The following CHRM2 variants were observed in gnomAD, a reference collection of about 807,000 sequenced individuals.
CHRM2 encodes the protein cholinergic receptor muscarinic 2, also known as muscarinic acetylcholine receptor M2.
A neutral mutation model predicts 25.0 loss-of-function variants in CHRM2; 8 were observed. The observed-to-expected ratio is 0.32, with a 90% CI of 0.19 to 0.58. The LOEUF is 0.58. Ranked by LOEUF, CHRM2 falls within the 20% of genes least tolerant of loss-of-function variation. The pLI is 0.88. For synonymous variants in CHRM2, 202 were observed against 205.7 expected, an observed-to-expected ratio of 0.98 and a Z score of 0.15; for missense variants, 440 against 567.1, an observed-to-expected ratio of 0.78 and a Z score of 2.28.
chr7:136,972,354 T>G (rs1051640879), intron 2 of CHRM2, among the ~76,000 whole-genome samples: 1 of 152,192 alleles, frequency 6.6e-6, no homozygotes, highest in African/African-American at 2.4e-5. Flanking sequence ...ATCTCTGTCT[T>G]GTTTTGTCCA....
intron 2 of CHRM2, among the ~76,000 whole-genome samples, chr7:136,970,233 G>T (rs548313562): frequency 6.6e-6 from 1 of 151,986 alleles, no homozygotes; most frequent in African/African-American, 2.4e-5. Flanking sequence ...TGTATTTCTA[G>T]CTTTATATCT....
chr7:136,929,605 A>T (rs1215198086), intron 2 of CHRM2, among the ~76,000 whole-genome samples: 3 of 152,092 alleles, frequency 2.0e-5, no homozygotes, highest in Non-Finnish European at 4.4e-5. Context: ...AGAGCTGTCA[A>T]TCAGATGTCA....
At chr7:136,982,868 T>C (rs1802577711) in intron 2 of CHRM2, among the ~76,000 whole-genome samples, 1 of 152,222 alleles carries the variant, frequency 6.6e-6, no homozygotes, top group African/African-American at 2.4e-5. Flanking sequence ...TCTGCTGCCC[T>C]TAACATTTTT....
At chr7:136,917,670 C>T (rs1798197889) in intron 2 of CHRM2, among the ~76,000 whole-genome samples, 1 of 152,006 alleles carries the variant, frequency 6.6e-6, no homozygotes, top group South Asian at 2.1e-4. Flanking sequence ...AACCCAACTG[C>T]GAATCAATAT....
chr7:136,975,595 G>A (rs1475311722), intron 2 of CHRM2, among the ~76,000 whole-genome samples: 2 of 152,082 alleles, frequency 1.3e-5, no homozygotes. Flanking sequence ...TCATCATATT[G>A]CCATTCTTAA....
At chr7:136,883,838 A>C (rs1796358059) in intron 2 of CHRM2, among the ~76,000 whole-genome samples, 1 of 152,138 alleles carries the variant, frequency 6.6e-6, no homozygotes, top group Non-Finnish European at 1.5e-5. Context: ...AAATGACGCC[A>C]ACCTATCAGA....
At chr7:137,014,738 T>C in intron 3 of CHRM2, 82 bp from the exon 4 acceptor site, 1 of 866,398 alleles carries the variant, frequency 1.2e-6, no homozygotes, top group Non-Finnish European at 1.8e-6. Context: ...GAAAATAATG[T>C]GGTTTAAAAG....
chr7:136,910,571 A>T (rs1797786904), intron 2 of CHRM2, among the ~76,000 whole-genome samples: 1 of 151,914 alleles, frequency 6.6e-6, no homozygotes, highest in South Asian at 2.1e-4. Context: ...TTCCATATTT[A>T]TTAAGGGAGG....
intron 3 of CHRM2, among the ~76,000 whole-genome samples, chr7:137,013,037 T>G (rs1384766733): frequency 6.6e-6 from 1 of 152,008 alleles, no homozygotes; most frequent in African/African-American, 2.4e-5. Flanking sequence ...TGTCTAATTT[T>G]TCTTTGATTG....
intron 2 of CHRM2, among the ~76,000 whole-genome samples, chr7:136,986,881 C>G (rs183489818): frequency 6.6e-6 from 1 of 152,250 alleles, no homozygotes; most frequent in East Asian, 1.9e-4. Context: ...GAAATACACC[C>G]TTCTTATAAT....
intron 2 of CHRM2, among the ~76,000 whole-genome samples, chr7:136,897,130 CA>C (rs371077556): frequency 0.015 from 1,137 of 76,290 alleles, 9 homozygotes; most frequent in African/African-American, 0.036. Flanking sequence ...GTAGGTTGGC[CA>C]AAAAAAAAAA....
intron 2 of CHRM2, among the ~76,000 whole-genome samples, chr7:136,976,114 G>A (rs183063865): frequency 6.6e-6 from 1 of 152,228 alleles, no homozygotes; most frequent in Admixed American, 6.5e-5. Context: ...TATAAAAAAT[G>A]AGCCATGTAT....
intron 2 of CHRM2, among the ~76,000 whole-genome samples, chr7:136,949,620 C>G (rs1022706682): frequency 6.6e-6 from 1 of 151,940 alleles, no homozygotes; most frequent in Non-Finnish European, 1.5e-5. Context: ...AGAACAAGAT[C>G]CTGTATTGAA....
intron 2 of CHRM2, chr7:136,902,781 C>T (rs954939102): frequency 1.7e-5 from 4 of 241,762 alleles, no homozygotes; most frequent in African/African-American, 9.5e-5. Context: ...GACGTGTAGA[C>T]ATTAAACTTT....
intron 2 of CHRM2, among the ~76,000 whole-genome samples, chr7:136,983,450 T>C (rs1235090315): frequency 1.3e-5 from 2 of 152,176 alleles, no homozygotes; most frequent in Non-Finnish European, 2.9e-5. Context: ...ATCAAACTCA[T>C]TCTCTGTCCA....
chr7:136,880,393 T>C (rs1796218975), intron 2 of CHRM2, among the ~76,000 whole-genome samples: 1 of 151,918 alleles, frequency 6.6e-6, no homozygotes, highest in Non-Finnish European at 1.5e-5. Context: ...GTCATTCCTG[T>C]TTGGTTTGCA....
chr7:136,909,192 T>C (rs1214152401), intron 2 of CHRM2, among the ~76,000 whole-genome samples: 8 of 151,992 alleles, frequency 5.3e-5, no homozygotes, highest in African/African-American at 1.9e-4. Context: ...TATTATTATT[T>C]TGTTCTCATG....
At chr7:136,894,145 G>A (rs1429672608) in intron 2 of CHRM2, among the ~76,000 whole-genome samples, 1 of 152,046 alleles carries the variant, frequency 6.6e-6, no homozygotes, top group Admixed American at 6.6e-5. Context: ...AATCATAGGA[G>A]ATTGTAAAGT....
At chr7:136,989,490 A>G (rs1457621203) in intron 2 of CHRM2, among the ~76,000 whole-genome samples, 1 of 152,192 alleles carries the variant, frequency 6.6e-6, no homozygotes, top group Non-Finnish European at 1.5e-5. Context: ...ACTAATTGCT[A>G]AAGATGTGCA....
Sources: allele counts gnomAD v4.1 joint callset (sites outside exome capture counted in the v4.1 genomes callset), GRCh38; gene constraint gnomAD v4.1.1; transcripts MANE v1.5; gene names NCBI Gene and HGNC (gene_info 2026-07-23, HGNC 2026-07-21).